The following WDR59 variants were observed in gnomAD, a reference collection of about 807,000 sequenced individuals.
WDR59 encodes WD repeat domain 59.
A neutral mutation model predicts 131.2 loss-of-function variants in WDR59; 100 were observed. That is an observed-to-expected ratio of 0.76 (90% CI 0.65 to 0.90). The LOEUF is 0.90. Among genes scored for constraint, WDR59 ranks in the 40% least tolerant of loss-of-function variants. The probability of loss-of-function intolerance (pLI) is 0.00; values close to 1 mark genes in which losing one functional copy is unlikely to be tolerated. For synonymous variants in WDR59, 601 were observed against 466.2 expected, an observed-to-expected ratio of 1.29 and a Z score of -3.72; for missense variants, 1,203 against 1,262.2, an observed-to-expected ratio of 0.95 and a Z score of 0.71.
Position 74,967,051 on chromosome 16 carries a change from C to T in WDR59, c.55-1229G>A, listed in dbSNP as rs191249590. 9.2e-5 allele frequency among the ~76,000 whole-genome samples: 14 copies of T among 152,274 alleles called. No homozygotes were observed. The South Asian group carries it at 1.0e-3, about 11-fold the overall frequency. On this transcript the variant is annotated intron_variant, in intron 1 of 25. Coordinates refer to ENST00000262144, the MANE Select transcript of WDR59 (RefSeq NM_030581.4). ...TAAGTTCTCTCCAAGACAGTATCAACGAAGAATCCATTTTATACATTCTGC... is the reference window on the plus strand; with the variant it reads ...TAAGTTCTCTCCAAGACAGTATCAATGAAGAATCCATTTTATACATTCTGC...
chr16:74,903,391 G>A (rs891757590), intron 18 of WDR59, among the ~76,000 whole-genome samples: 9 of 152,154 alleles, frequency 5.9e-5, no homozygotes, highest in Admixed American at 3.9e-4. Flanking sequence ...CTACTTTAGG[G>A]ACAATGAGTT....
chr16:74,924,920 C>T (rs565961361), intron 8 of WDR59, among the ~76,000 whole-genome samples: 30 of 152,246 alleles, frequency 2.0e-4, no homozygotes, highest in East Asian at 1.7e-3. Flanking sequence ...CACTCCCGGC[C>T]ACTTTGGCAA....
Position 74,948,568 on chromosome 16 carries a change from A to G in WDR59, c.408-12T>C, listed in dbSNP as rs1394921911. 1.9e-6 allele frequency: 3 copies of G among 1,611,758 alleles called. No homozygotes were observed. The highest frequency in any genetic ancestry group is 1.3e-5 in the African/African-American group (1 of 74,870). ...GTTTCCTTGTGTCTCTGAAATATAA[A>G]AATAAAAAATCAAATCCCCAATTTA... is the stretch of plus-strand genomic sequence containing the variant. On this transcript the variant is annotated splice_polypyrimidine_tract_variant and intron_variant, in intron 5 of 25. Coordinates refer to ENST00000262144, the MANE Select transcript of WDR59 (RefSeq NM_030581.4).
At chr16:74,959,515 T>C (rs1466572360) in intron 2 of WDR59, 3 of 452,392 alleles carry the variant, frequency 6.6e-6, no homozygotes, top group African/African-American at 2.0e-5. Flanking sequence ...CTGGAACTCT[T>C]AGTGCTGCAG....
chr16:74,954,359 G>A (rs1278714448), intron 3 of WDR59, among the ~76,000 whole-genome samples: 1 of 152,156 alleles, frequency 6.6e-6, no homozygotes, highest in African/African-American at 2.4e-5. Context: ...GGTGAGCCGA[G>A]ATCATGCCAC....
chr16:74,956,475 C>T lies in WDR59; in HGVS notation c.240G>A (p.Ser80=), dbSNP rs773693965. Residue 80 remains serine, a splice_region_variant and synonymous_variant, in exon 3 of 26, where the codon TCG becomes TCA. Transcript: ENST00000262144. ...HDSFAHYFAA[S]SNQRVDLYKW... ...TCCTGTATTCCTTAAATAAGCTCAC[C>T]GAAGCCGCAAAATAGTGTGCAAAGC... The T allele has an allele frequency of 1.5e-5, 24 of 1,612,628 alleles. No homozygotes were observed. The highest frequency in any genetic ancestry group is 1.9e-5 in the Non-Finnish European group (23 of 1,179,544).
intron 20 of WDR59, 99 bp downstream of exon 20, chr16:74,892,385 A>T (rs895692485): frequency 2.0e-6 from 2 of 1,024,178 alleles, no homozygotes; most frequent in Non-Finnish European, 3.0e-6. Flanking sequence ...CCAAATTAAG[A>T]CACACACTTT....
intron 8 of WDR59, among the ~76,000 whole-genome samples, chr16:74,931,106 C>T (rs2031349417): frequency 6.6e-6 from 1 of 151,910 alleles, no homozygotes; most frequent in East Asian, 1.9e-4. Context: ...GACTTTATCA[C>T]AGTATAAACA....
Position 74,874,045 on chromosome 16 carries a change from A to C in WDR59, c.*164T>G. The C allele has an allele frequency of 1.6e-6, 1 of 620,156 alleles. No individual in the cohort carries two copies. Among genetic ancestry groups the C allele is most frequent in the Non-Finnish European group, 2.8e-6 (1 of 355,564 alleles). 38.4% of individuals were successfully genotyped at this position (620,156 alleles called of 1,614,324 possible). On this transcript the variant is annotated 3_prime_UTR_variant, in exon 26 of 26. Transcript: ENST00000262144. ...ACACCAGGTGGCCAAACAGAAGAGA[A>C]GGCAGAGGCCCACCAAGAGCTGATG...
At chr16:74,908,305 C>G (rs1192944987) in intron 17 of WDR59, among the ~76,000 whole-genome samples, 2 of 152,082 alleles carry the variant, frequency 1.3e-5, no homozygotes, top group Non-Finnish European at 2.9e-5. Flanking sequence ...GTAGTCCCAG[C>G]TACTTGGGAG....
chr16:74,944,635 G>C (rs1483120986), intron 6 of WDR59, among the ~76,000 whole-genome samples: 1 of 152,022 alleles, frequency 6.6e-6, no homozygotes, highest in Non-Finnish European at 1.5e-5. Context: ...GAAGCAGGCA[G>C]TACCCGAGGC....
intron 3 of WDR59, among the ~76,000 whole-genome samples, chr16:74,952,543 G>A (rs1050145376): frequency 6.6e-6 from 1 of 151,280 alleles, no homozygotes; most frequent in African/African-American, 2.4e-5. Flanking sequence ...AATAATGCCT[G>A]TATTTAATTT....
At chr16:74,889,845 A>C in intron 20 of WDR59, 30 bp from the exon 21 acceptor site, 3 of 1,566,454 alleles carry the variant, frequency 1.9e-6, no homozygotes, top group Non-Finnish European at 2.6e-6. Context: ...ATACAAACTC[A>C]AACTGGCAAG....
intron 8 of WDR59, among the ~76,000 whole-genome samples, chr16:74,927,646 A>T (rs4887793): frequency 1 from 139,459 of 140,002 alleles, 69,464 homozygotes; most frequent in Middle Eastern, 1. Flanking sequence ...AAACTTCTAA[A>T]AAACTTCTGA....
At position 74,885,732 on chromosome 16, in the gene WDR59, G is replaced by C. The variant is rs188695478; in HGVS notation, c.2610C>G (p.Leu870=). Residue 870 remains leucine, a synonymous_variant, in exon 25 of 26, where the codon CTC becomes CTG. Transcript: ENST00000262144. ...DDFKKCYGEI[L]YRWGLREKRA... ...GCTTCTCTCTCAGACCCCAACGGTA[G>C]AGGATTTCCCCATAGCATTTCTTAA... 6.2e-7 allele frequency: 1 copy of C among 1,614,182 alleles called. No homozygotes were observed. Among genetic ancestry groups the C allele is most frequent in the Non-Finnish European group, 8.5e-7 (1 of 1,180,038 alleles).
rs1964071636 is a variant in WDR59 at position 74,873,831 on chromosome 16, C to T, written c.*378G>A. The T allele has an allele frequency of 5.1e-6, 1 of 194,392 alleles. No homozygotes were observed. The highest frequency in any genetic ancestry group is 2.3e-5 in the African/African-American group (1 of 42,672). 12.0% of individuals were successfully genotyped at this position (194,392 alleles called of 1,614,324 possible). On this transcript the variant is annotated 3_prime_UTR_variant, in exon 26 of 26. Transcript: ENST00000262144. ...GTCCTCGGGCATCTGACTCTGGTCTCTGCACTGGCATCAAGAGAACGCTGC... is the reference window on the plus strand; with the variant it reads ...GTCCTCGGGCATCTGACTCTGGTCTTTGCACTGGCATCAAGAGAACGCTGC...
At chr16:74,936,866 T>C (rs778774136) in intron 8 of WDR59, among the ~76,000 whole-genome samples, 1 of 151,800 alleles carries the variant, frequency 6.6e-6, no homozygotes, top group African/African-American at 2.4e-5. Flanking sequence ...TCAAACGTAA[T>C]ACGAACGAAC....
Position 74,951,525 on chromosome 16 carries a change from G to C in WDR59, c.259C>G (p.Leu87Val), listed in dbSNP as rs1315876809. 3 of 1,598,598 alleles carry C rather than the reference G, an allele frequency of 1.9e-6. No individual in the cohort carries two copies. In the African/African-American group the frequency reaches 4.0e-5, roughly 21 times the overall value. The change falls in exon 4 of 26, where the codon CTT (leucine) becomes GTT (valine). Residue 87 changes from leucine to valine, a missense_variant. By Grantham distance (32) the Leu-to-Val change is conservative. Transcript: ENST00000262144. ...CCACTGCCGTCTTTCCACTTGTAAAGGTCTACTCGTTGGTTACTCTGAAAA... is the reference window on the plus strand; with the variant it reads ...CCACTGCCGTCTTTCCACTTGTAAACGTCTACTCGTTGGTTACTCTGAAAA... ...FAASSNQRVDLYKWKDGSGEV... is the reference protein window; with the variant it reads ...FAASSNQRVDVYKWKDGSGEV...
intron 6 of WDR59, among the ~76,000 whole-genome samples, chr16:74,945,064 C>A (rs182954637): frequency 1.3e-5 from 2 of 151,366 alleles, no homozygotes; most frequent in Non-Finnish European, 2.9e-5. Flanking sequence ...GCGGAGGTTG[C>A]GGTGAGCCAA....
Sources: allele counts gnomAD v4.1 joint callset (sites outside exome capture counted in the v4.1 genomes callset), GRCh38; gene constraint gnomAD v4.1.1; transcripts MANE v1.5; gene names NCBI Gene and HGNC (gene_info 2026-07-23, HGNC 2026-07-21).